The following PHKB variants were observed in gnomAD, a reference collection of about 807,000 sequenced individuals.
PHKB encodes phosphorylase kinase regulatory subunit beta, also known as phosphorylase b kinase regulatory subunit beta.
PHKB carries 122 observed loss-of-function variants against 152.1 expected under a neutral mutation model. The observed-to-expected ratio is 0.80, with a 90% CI of 0.69 to 0.93. The LOEUF is 0.93. Among genes scored for constraint, PHKB ranks in the 40% least tolerant of loss-of-function variants. The pLI is 0.00. For missense variants in PHKB, 1,304 were observed against 1,328.4 expected, an observed-to-expected ratio of 0.98 and a Z score of 0.29; for synonymous variants, 436 against 464.9, an observed-to-expected ratio of 0.94 and a Z score of 0.80.
chr16:47,515,653 AT>A (rs531488127), intron 6 of PHKB, 52 bp downstream of exon 6: 16,061 of 529,072 alleles, frequency 0.03, no homozygotes, highest in Non-Finnish European at 0.033. Flanking sequence ...GAAAATATCT[AT>A]TTTTTTTTTT....
Position 47,474,756 on chromosome 16 carries a change from C to G in PHKB, c.76+13330C>G, listed in dbSNP as rs1170167373. Among the ~76,000 whole-genome samples, 11 of 149,260 alleles carry G rather than the reference C, an allele frequency of 7.4e-5. 1 individual carries two copies. Among genetic ancestry groups the G allele is most frequent in the Non-Finnish European group, 1.0e-4 (7 of 67,598 alleles). On this transcript the variant is annotated intron_variant, in intron 1 of 30. Coordinates refer to ENST00000323584, the MANE Select transcript of PHKB (RefSeq NM_000293.3). Reference sequence around the variant, plus strand: ...TTTTTTTTTTTGAGATGGAGTTTTGCTCTTGTTGCTCAGGCTAGAGTGCAA... The same window carrying G: ...TTTTTTTTTTTGAGATGGAGTTTTGGTCTTGTTGCTCAGGCTAGAGTGCAA...
intron 26 of PHKB, among the ~76,000 whole-genome samples, chr16:47,673,657 A>G (rs548328924): frequency 6.6e-6 from 1 of 152,314 alleles, no homozygotes; most frequent in East Asian, 1.9e-4. Flanking sequence ...AGAGGAGACA[A>G]GTTTAAATAA....
chr16:47,495,678 A>G (rs936384874), intron 1 of PHKB, among the ~76,000 whole-genome samples: 4 of 152,276 alleles, frequency 2.6e-5, no homozygotes, highest in African/African-American at 4.8e-5. Flanking sequence ...TAGCAGTGGC[A>G]TATTACTCCT....
chr16:47,483,326 G>T (rs563092620), intron 1 of PHKB, among the ~76,000 whole-genome samples: 1 of 152,134 alleles, frequency 6.6e-6, no homozygotes, highest in African/African-American at 2.4e-5. Context: ...GGTATTATGG[G>T]TGTGAGCCAC....
At chr16:47,611,215 A>G (rs1431837857) in intron 14 of PHKB, among the ~76,000 whole-genome samples, 1 of 152,198 alleles carries the variant, frequency 6.6e-6, no homozygotes, top group East Asian at 1.9e-4. Context: ...CAGGAGGACC[A>G]ATGACTGAAG....
rs1970159861 is a variant in PHKB at position 47,492,107 on chromosome 16, C to T, written c.77-5292C>T. On this transcript the variant is annotated intron_variant, in intron 1 of 30. Transcript: ENST00000323584. ...CCTGCAGATATCAAACTAGAAAGAACTCATTTCCTAAGGCAGGATTGAACT... is the reference window on the plus strand; with the variant it reads ...CCTGCAGATATCAAACTAGAAAGAATTCATTTCCTAAGGCAGGATTGAACT... Among the ~76,000 whole-genome samples, 3 of 152,296 alleles carry T rather than the reference C, an allele frequency of 2.0e-5. No individual in the cohort carries two copies. In the South Asian group the frequency reaches 6.2e-4, roughly 32 times the overall value.
intron 7 of PHKB, among the ~76,000 whole-genome samples, chr16:47,572,102 G>A (rs1597094619): frequency 6.6e-6 from 1 of 152,174 alleles, no homozygotes; most frequent in Non-Finnish European, 1.5e-5. Context: ...CACAATGGGT[G>A]CACACCCAGT....
chr16:47,551,001 C>T lies in PHKB; in HGVS notation c.710+3453C>T, dbSNP rs1971261070. ...TCTTCTAGATTTTCTAGTTTATTTG[C>T]GTAGAGGTGTTTATAGTATTCTCTG... On this transcript the variant is annotated intron_variant, in intron 7 of 30. Coordinates refer to ENST00000323584, the MANE Select transcript of PHKB (RefSeq NM_000293.3). 2.0e-5 allele frequency among the ~76,000 whole-genome samples: 3 copies of T among 152,210 alleles called. No homozygotes were observed. The South Asian group carries it at 6.2e-4, about 32-fold the overall frequency.
chr16:47,655,635 A>G (rs527882179), intron 20 of PHKB, among the ~76,000 whole-genome samples: 1 of 152,326 alleles, frequency 6.6e-6, no homozygotes, highest in South Asian at 2.1e-4. Flanking sequence ...TAAAGTCAGA[A>G]TGATATCCTT....
intron 17 of PHKB, 58 bp from the exon 18 acceptor site, chr16:47,649,042 G>T: frequency 1.1e-6 from 1 of 904,072 alleles, no homozygotes; most frequent in Non-Finnish European, 1.9e-6. Flanking sequence ...TTACAGCACT[G>T]CACCTTTGCC....
chr16:47,507,027 G>A (rs951317854), intron 4 of PHKB, among the ~76,000 whole-genome samples: 1 of 152,136 alleles, frequency 6.6e-6, no homozygotes, highest in African/African-American at 2.4e-5. Flanking sequence ...AGGCTTGAAT[G>A]CAGTGGTGTA....
intron 14 of PHKB, among the ~76,000 whole-genome samples, chr16:47,640,351 G>A (rs1029860109): frequency 2.0e-5 from 3 of 152,038 alleles, no homozygotes; most frequent in African/African-American, 7.2e-5. Context: ...TTATATACAG[G>A]TTTCAAAATT....
At chr16:47,571,279 T>C (rs1971653598) in intron 7 of PHKB, among the ~76,000 whole-genome samples, 1 of 152,102 alleles carries the variant, frequency 6.6e-6, no homozygotes, top group Non-Finnish European at 1.5e-5. Context: ...GAGGCACCCA[T>C]GGGTGAAAAC....
chr16:47,596,374 A>T lies in PHKB; in HGVS notation c.1206A>T (p.Gly402=), dbSNP rs1972119452. The T allele has an allele frequency of 6.3e-7, 1 of 1,591,794 alleles. No individual in the cohort carries two copies. Among genetic ancestry groups the T allele is most frequent in the Non-Finnish European group, 8.6e-7 (1 of 1,159,718 alleles). ...LTPVLHHTTE[G]YPVVPKYYYV... ...AATACTTATTTTTAAACTCCATAGG[A>T]TATCCTGTTGTACCAAAGTACTATT... Residue 402 remains glycine (G), a splice_region_variant and synonymous_variant, in exon 13 of 31, where the codon GGA becomes GGT. Coordinates refer to ENST00000323584, the MANE Select transcript of PHKB (RefSeq NM_000293.3).
In PHKB at chr16:47,641,092, T is replaced by A. The variant is rs747572026; in HGVS notation, c.1514+2T>A. The A allele has an allele frequency of 6.2e-7, 1 of 1,613,330 alleles. No individual in the cohort carries two copies. The highest frequency in any genetic ancestry group is 8.5e-7 in the Non-Finnish European group (1 of 1,179,572). The stretch of plus-strand genomic sequence containing the variant: ...GGCACTTATAGCAGAAAGCCAAAGG[T>A]ATGAAATCCAAGTGGGTGGTGTGTT... On this transcript the variant is annotated splice_donor_variant, in intron 15 of 30. Transcript: ENST00000323584. LOFTEE classifies it high-confidence loss of function.
chr16:47,671,475 A>G (rs934949940), intron 26 of PHKB, among the ~76,000 whole-genome samples: 2 of 152,120 alleles, frequency 1.3e-5, no homozygotes, highest in African/African-American at 2.4e-5. Context: ...ACCTATTTCT[A>G]TATTTTATAC....
In PHKB at chr16:47,700,539, AT is replaced by A. The variant is rs2142115379; in HGVS notation, c.*1176del. 6.6e-6 allele frequency: 1 copy of A among 152,184 alleles called. No individual in the cohort carries two copies. Among genetic ancestry groups the A allele is most frequent in the Non-Finnish European group, 1.5e-5 (1 of 67,990 alleles). The allele number at this position is 152,184 out of a possible 1,614,324, so 9.4% of individuals were successfully genotyped here. ...ACTCCCGAGTGTTTTCATTTAATTG[AT>A]TTAGAGGTAGAATGGAAGAGAATCT... On this transcript the variant is annotated 3_prime_UTR_variant, in exon 31 of 31. Transcript: ENST00000323584.
intron 26 of PHKB, among the ~76,000 whole-genome samples, chr16:47,685,168 T>G (rs1032763407): frequency 2.6e-5 from 4 of 152,244 alleles, no homozygotes; most frequent in Non-Finnish European, 5.9e-5. Flanking sequence ...GGCTTACGCC[T>G]GTAATCCCAG....
intron 20 of PHKB, among the ~76,000 whole-genome samples, chr16:47,654,137 A>T (rs1173860300): frequency 6.6e-6 from 1 of 152,222 alleles, no homozygotes; most frequent in Non-Finnish European, 1.5e-5. Context: ...ATCAAACAAC[A>T]GAGAGCCACC....
Sources: allele counts gnomAD v4.1 joint callset (sites outside exome capture counted in the v4.1 genomes callset), GRCh38; gene constraint gnomAD v4.1.1; transcripts MANE v1.5; gene names NCBI Gene and HGNC (gene_info 2026-07-23, HGNC 2026-07-21).